The following NR3C2 variants were observed in gnomAD, a reference collection of about 807,000 sequenced individuals.
NR3C2 encodes the protein nuclear receptor subfamily 3 group C member 2.
A neutral mutation model predicts 86.4 loss-of-function variants in NR3C2; 15 were observed. The ratio of observed to expected loss-of-function variants is 0.17; its 90% CI spans 0.12 to 0.27. The LOEUF (loss-of-function observed/expected upper bound fraction) is 0.27, where lower values mean the gene tolerates loss of function less well. Among genes scored for constraint, NR3C2 ranks in the 10% least tolerant of loss-of-function variants. The pLI is 1.00. For missense variants in NR3C2, 960 were observed against 1,195.6 expected, an observed-to-expected ratio of 0.80 and a Z score of 2.91; for synonymous variants, 458 against 450.5, an observed-to-expected ratio of 1.02 and a Z score of -0.21.
intron 2 of NR3C2, among the ~76,000 whole-genome samples, chr4:148,327,465 G>A (rs72656808): frequency 1.0e-3 from 152 of 152,200 alleles, no homozygotes; most frequent in African/African-American, 3.5e-3. Context: ...CGGATCCTGG[G>A]GACAATTACT....
In NR3C2 at chr4:148,325,975, A is replaced by G. The variant is rs1476580241; in HGVS notation, c.1758-65858T>C. On this transcript the variant is annotated intron_variant, in intron 2 of 8. Transcript: ENST00000358102. ...CAAGATTGTTAAGATGTTTGGAGAC[A>G]AAATAATTTGATCCCCAAAAATATA... Among the ~76,000 whole-genome samples the G allele has an allele frequency of 3.9e-5, 6 of 152,254 alleles. No homozygotes were observed. In the East Asian group the frequency reaches 1.2e-3, roughly 29 times the overall value.
chr4:148,228,689 T>C (rs1400484227), intron 3 of NR3C2, among the ~76,000 whole-genome samples: 4 of 152,268 alleles, frequency 2.6e-5, no homozygotes, highest in Admixed American at 2.6e-4. Flanking sequence ...GATTCATGCA[T>C]CCAAATTTTG....
chr4:148,152,382 A>G, intron 6 of NR3C2, 87 bp downstream of exon 6: 4 of 1,448,464 alleles, frequency 2.8e-6, no homozygotes, highest in South Asian at 2.3e-5. Context: ...TCTTTCACCA[A>G]CGTACATCTG....
chr4:148,173,804 C>A (rs1157639299), intron 4 of NR3C2, among the ~76,000 whole-genome samples: 2 of 152,204 alleles, frequency 1.3e-5, no homozygotes, highest in African/African-American at 2.4e-5. Context: ...GTTACTCAAA[C>A]CAGCAGTGCT....
chr4:148,238,945 G>A (rs569904292), intron 3 of NR3C2, among the ~76,000 whole-genome samples: 19 of 152,322 alleles, frequency 1.2e-4, no homozygotes, highest in Non-Finnish European at 2.8e-4. Flanking sequence ...AAGATGGAAA[G>A]AAGAGTAATC....
chr4:148,227,248 T>C lies in NR3C2; in HGVS notation c.1898-32386A>G, dbSNP rs371822647. Among the ~76,000 whole-genome samples the C allele has an allele frequency of 7.9e-5, 12 of 152,304 alleles. No homozygotes were observed. In the South Asian group the frequency reaches 2.3e-3, roughly 29 times the overall value. The stretch of plus-strand genomic sequence containing the variant: ...AATACTGGCCCGTCATTCCGTAGAA[T>C]GTTTTTGAGTTTGAATTGTCTGATA... On this transcript the variant is annotated intron_variant, in intron 3 of 8. Transcript: ENST00000358102.
chr4:148,302,676 C>T (rs1419341699), intron 2 of NR3C2, among the ~76,000 whole-genome samples: 1 of 152,010 alleles, frequency 6.6e-6, no homozygotes, highest in Non-Finnish European at 1.5e-5. Context: ...CATACCTTGT[C>T]TACACAGTCC....
chr4:148,391,052 C>A (rs1355287182), intron 2 of NR3C2, among the ~76,000 whole-genome samples: 1 of 152,136 alleles, frequency 6.6e-6, no homozygotes, highest in Non-Finnish European at 1.5e-5. Context: ...AAATTATATA[C>A]CATTATATTT....
In NR3C2 at chr4:148,136,072, AAAAAC is replaced by A. The variant is rs1305311396; in HGVS notation, c.2511-15789_2511-15785del. On this transcript the variant is annotated intron_variant, in intron 6 of 8. Transcript: ENST00000358102. ...ACTCCGTCTCAAAAAAAAAAAAAAA[AAAAAC>A]AAAAAAAAAAAACACCACCAAAACC... Among the ~76,000 whole-genome samples the A allele has an allele frequency of 7.7e-3, 334 of 43,330 alleles. 2 individuals are homozygous for A. Among genetic ancestry groups the A allele is most frequent in the South Asian group, 0.026 (42 of 1,592 alleles). 28.4% of individuals were successfully genotyped at this position (43,330 alleles called of 152,430 possible). A position where few individuals can be genotyped will look rare whatever the true frequency, so the allele number is the denominator to read the frequency against.
chr4:148,236,607 C>A (rs1738762844), intron 3 of NR3C2, among the ~76,000 whole-genome samples: 1 of 152,108 alleles, frequency 6.6e-6, no homozygotes, highest in Admixed American at 6.5e-5. Flanking sequence ...TTTACAATCA[C>A]TAATAATGCT....
intron 2 of NR3C2, among the ~76,000 whole-genome samples, chr4:148,303,181 A>G (rs947707967): frequency 1.3e-5 from 2 of 152,228 alleles, no homozygotes; most frequent in Non-Finnish European, 2.9e-5. Flanking sequence ...TTACATTTCA[A>G]AACTTTCACA....
chr4:148,198,877 G>A (rs1387551063), intron 3 of NR3C2, among the ~76,000 whole-genome samples: 2 of 151,506 alleles, frequency 1.3e-5, no homozygotes, highest in Admixed American at 6.6e-5. Context: ...TCAGGTGATC[G>A]AGACTATCCT....
intron 4 of NR3C2, among the ~76,000 whole-genome samples, chr4:148,174,631 G>A (rs1451050704): frequency 6.6e-6 from 1 of 152,190 alleles, no homozygotes; most frequent in Non-Finnish European, 1.5e-5. Flanking sequence ...CGTCTCCCCA[G>A]GGGGTATAAA....
intron 6 of NR3C2, among the ~76,000 whole-genome samples, chr4:148,145,011 G>A (rs1733798407): frequency 6.6e-6 from 1 of 152,120 alleles, no homozygotes; most frequent in Admixed American, 6.5e-5. Flanking sequence ...GGAATGTCAG[G>A]CGACCCTCAG....
chr4:148,172,237 T>C (rs1356407908), intron 4 of NR3C2, among the ~76,000 whole-genome samples: 3 of 152,124 alleles, frequency 2.0e-5, no homozygotes, highest in Non-Finnish European at 4.4e-5. Flanking sequence ...AAACCAGGAT[T>C]GAAATTCCTG....
intron 3 of NR3C2, among the ~76,000 whole-genome samples, chr4:148,240,556 C>T (rs1437771024): frequency 6.6e-6 from 1 of 152,106 alleles, no homozygotes; most frequent in Admixed American, 6.6e-5. Flanking sequence ...TCAACAGGCT[C>T]ATGCCAGAAT....
chr4:148,306,576 T>C (rs1452219835), intron 2 of NR3C2, among the ~76,000 whole-genome samples: 1 of 152,238 alleles, frequency 6.6e-6, no homozygotes, highest in Non-Finnish European at 1.5e-5. Context: ...TACAAAGCAG[T>C]AAAGTTTGAA....
chr4:148,209,291 G>C (rs935926695), intron 3 of NR3C2, among the ~76,000 whole-genome samples: 2 of 152,096 alleles, frequency 1.3e-5, no homozygotes, highest in South Asian at 4.1e-4. Context: ...TATGCAACAG[G>C]GTCTCATTCT....
At chr4:148,190,790 C>T (rs1457371355) in intron 4 of NR3C2, among the ~76,000 whole-genome samples, 1 of 152,216 alleles carries the variant, frequency 6.6e-6, no homozygotes, top group African/African-American at 2.4e-5. Flanking sequence ...ACAAGAATAG[C>T]AACGCCTCTT....
Sources: gnomAD v4.1 joint callset for allele counts (sites outside exome capture counted in the v4.1 genomes callset) on GRCh38, gnomAD v4.1.1 for gene constraint, MANE v1.5 for transcripts, NCBI Gene and HGNC (gene_info 2026-07-23, HGNC 2026-07-21) for gene names.